COL27A1: variants seen among roughly 807,000 people sequenced by gnomAD.
COL27A1 encodes collagen alpha-1(XXVII) chain.
Under a neutral mutation model 251.3 loss-of-function variants are expected in COL27A1, and 106 were observed. The observed-to-expected ratio is 0.42, with a 90% confidence interval of 0.36 to 0.50. The LOEUF is 0.50. Ranked by LOEUF, COL27A1 falls within the 20% of genes least tolerant of loss-of-function variation. The pLI is 0.00. For synonymous variants in COL27A1, 1,000 were observed against 986.3 expected (o/e 1.01, Z -0.26); for missense variants, 2,325 against 2,522.8 (o/e 0.92, Z 1.68).
intron 49 of COL27A1, among the ~76,000 whole-genome samples, chr9:114,295,729 C>T (rs1272723071): frequency 4.6e-5 from 7 of 152,104 alleles, no homozygotes; most frequent in Non-Finnish European, 4.4e-5. Flanking sequence ...GCAATCTCAG[C>T]TCACCGCAAC....
chr9:114,294,082 CA>C (rs57583693), intron 49 of COL27A1, among the ~76,000 whole-genome samples: 4,534 of 136,732 alleles, frequency 0.033, 189 homozygotes, highest in African/African-American at 0.097. Flanking sequence ...ACTAACAATA[CA>C]AAAAAAAAAA....
intron 1 of COL27A1, among the ~76,000 whole-genome samples, chr9:114,160,177 CAG>C (rs1848396340): frequency 1.4e-5 from 2 of 146,612 alleles, no homozygotes; most frequent in Non-Finnish European, 3.0e-5. Flanking sequence ...TTTTTTGAGG[CAG>C]AGTCTCGCTC....
intron 41 of COL27A1, among the ~76,000 whole-genome samples, chr9:114,287,719 C>T (rs1240135321): frequency 6.6e-6 from 1 of 152,156 alleles, no homozygotes; most frequent in Admixed American, 6.5e-5. Flanking sequence ...CTTATGGACA[C>T]AGCCCCCATG....
rs766792131 is a variant in COL27A1 at position 114,266,576 on chromosome 9, A to G, written c.3405A>G (p.Gly1135=). ...KGLPGEPGPQ[G]PQGPIGPPGE... ...TGTCTGTCTTCCAGGGCCCTCAGGG[A>G]CCCCAGGGGCCAATTGGGCCTCCAG... is the stretch of plus-strand genomic sequence containing the variant. The change falls in exon 33 of 61, where the codon GGA becomes GGG. Residue 1135 remains glycine, a synonymous_variant. Transcript: ENST00000356083. The G allele has an allele frequency of 1.9e-6, 3 of 1,613,418 alleles. No homozygotes were observed. In the South Asian group the frequency reaches 3.3e-5, roughly 18 times the overall value.
At chr9:114,154,227 C>T (rs762679863), upstream of COL27A1, among the ~76,000 whole-genome samples, 47 of 152,072 alleles carry the variant, frequency 3.1e-4, no homozygotes, top group Non-Finnish European at 5.3e-4. The surrounding 1 kb of genome is among the most constrained non-coding windows in gnomAD (Gnocchi z 5.8). Context: ...CCCGGTGCCG[C>T]TGCGCTCCGC....
chr9:114,292,714 A>G (rs576734607), intron 49 of COL27A1, among the ~76,000 whole-genome samples: 5 of 152,374 alleles, frequency 3.3e-5, no homozygotes, highest in African/African-American at 1.2e-4. Context: ...AATCCACTTC[A>G]AATATAAAGA....
chr9:114,237,604 G>A, intron 18 of COL27A1, 58 bp from the exon 19 acceptor site: 1 of 1,396,886 alleles, frequency 7.2e-7, no homozygotes, highest in African/African-American at 1.4e-5. Context: ...GAACGCAGGG[G>A]GTTCATGGAA....
chr9:114,250,662 A>G lies in COL27A1; in HGVS notation c.3027A>G (p.Gly1009=). Residue 1009 remains glycine, a synonymous_variant, in exon 25 of 61, where the codon GGA becomes GGG. Transcript: ENST00000356083. The stretch of plus-strand genomic sequence containing the variant: ...TGGTCGGGGAGCCAGGAATCGTGGG[A>G]GAAAAGGTAAGTGGTGTTGAGGGGA... ...IGLVGEPGIV[G]EKGDRGMMGP... The G allele has an allele frequency of 6.2e-7, 1 of 1,611,596 alleles. No homozygotes were observed. The highest frequency in any genetic ancestry group is 2.2e-5 in the East Asian group (1 of 44,874).
intron 7 of COL27A1, among the ~76,000 whole-genome samples, chr9:114,199,986 G>A (rs1379060317): frequency 6.6e-6 from 1 of 151,932 alleles, no homozygotes; most frequent in African/African-American, 2.4e-5. Context: ...CATCCCCCCA[G>A]CTCCCTCCTG....
chr9:114,269,268 G>T lies in COL27A1; in HGVS notation c.3529G>T (p.Gly1177Trp). The T allele has an allele frequency of 6.2e-7, 1 of 1,607,958 alleles. No individual in the cohort carries two copies. ...TGACCTTGGACCCCTGGGCACTCCTGGGGAGCAGGGCCTCATTGGGCAACG... is the reference window on the plus strand; with the variant it reads ...TGACCTTGGACCCCTGGGCACTCCTTGGGAGCAGGGCCTCATTGGGCAACG... ...KGDLGPLGTP[G>W]EQGLIGQRGE... Residue 1177 changes from glycine to tryptophan, a missense_variant, in exon 35 of 61, where the codon GGG becomes TGG. Coordinates refer to ENST00000356083, the MANE Select transcript of COL27A1 (RefSeq NM_032888.4).
At chr9:114,236,539 C>A (rs905673970) in intron 17 of COL27A1, among the ~76,000 whole-genome samples, 3 of 152,172 alleles carry the variant, frequency 2.0e-5, no homozygotes, top group African/African-American at 7.2e-5. Flanking sequence ...TGGAACTCTC[C>A]CGGCCAGTCA....
intron 23 of COL27A1, 46 bp downstream of exon 23, chr9:114,243,606 C>G (rs1156873870): frequency 6.6e-7 from 1 of 1,507,288 alleles, no homozygotes; most frequent in East Asian, 2.3e-5. Flanking sequence ...AAGAGGGGAT[C>G]CTACATATCT....
rs987038437 is a variant in COL27A1 at position 114,264,481 on chromosome 9, C to T, written c.3249+73C>T. On this transcript the variant is annotated intron_variant, in intron 29 of 60. Transcript: ENST00000356083. ...CAGGAATCGTGAACAAGGCTCACAGCTCCTCAGAACAATGCCCCTTAGGGA... is the reference window on the plus strand; with the variant it reads ...CAGGAATCGTGAACAAGGCTCACAGTTCCTCAGAACAATGCCCCTTAGGGA... 119 of 1,209,796 alleles carry T rather than the reference C, an allele frequency of 9.8e-5. No homozygotes were observed. The East Asian group carries it at 1.5e-3, about 15-fold the overall frequency. 74.9% of individuals were successfully genotyped at this position (1,209,796 alleles called of 1,614,324 possible).
At chr9:114,228,517 G>C (rs1831680447) in intron 14 of COL27A1, among the ~76,000 whole-genome samples, 1 of 152,180 alleles carries the variant, frequency 6.6e-6, no homozygotes, top group South Asian at 2.1e-4. Context: ...CTCCTCTCCA[G>C]AGACCACCTC....
chr9:114,206,203 A>C (rs1210107053), intron 9 of COL27A1, 49 bp from the exon 10 acceptor site: 1 of 1,587,122 alleles, frequency 6.3e-7, no homozygotes, highest in Admixed American at 1.7e-5. Flanking sequence ...GATTGGCAGC[A>C]GGTAGAGCGT....
At chr9:114,211,889 A>C (rs1205102603) in intron 12 of COL27A1, among the ~76,000 whole-genome samples, 3 of 152,218 alleles carry the variant, frequency 2.0e-5, no homozygotes, top group Non-Finnish European at 2.9e-5. Flanking sequence ...ACTGCCCTGC[A>C]GGTTGACTCC....
rs773138111 is a variant in COL27A1, at chr9:114,169,291, A to T, written c.1736A>T (p.Gln579Leu). 1.8e-5 allele frequency: 29 copies of T among 1,612,202 alleles called. No individual in the cohort carries two copies. Among genetic ancestry groups the T allele is most frequent in the Non-Finnish European group, 2.4e-5 (28 of 1,179,138 alleles). Residue 579 changes from glutamine (Q) to leucine (L), a missense_variant, in exon 3 of 61, where the codon CAG (glutamine) becomes CTG (leucine). By Grantham distance (113) the Gln-to-Leu change is moderately radical. This residue lies in a region of COL27A1 where 1,183 missense variants were observed against 1,144.1 expected (regional missense o/e 1.03). Coordinates refer to ENST00000356083, the MANE Select transcript of COL27A1 (RefSeq NM_032888.4). ...CTGACAACCAGGCCTAGCCCCAGAC[A>T]GCCCCAGCCCAGTCAGCAGACCACC... ...SDLTTRPSPR[Q>L]PQPSQQTTPA... is the part of the protein sequence containing the mutation.
chr9:114,185,582 A>G (rs1416586208), intron 5 of COL27A1, among the ~76,000 whole-genome samples: 8 of 152,226 alleles, frequency 5.3e-5, no homozygotes, highest in Non-Finnish European at 1.2e-4. Flanking sequence ...GACCCTGGGA[A>G]GAGGGTCCTA....
intron 41 of COL27A1, among the ~76,000 whole-genome samples, chr9:114,285,443 C>T (rs904006688): frequency 6.6e-6 from 1 of 152,162 alleles, no homozygotes; most frequent in Non-Finnish European, 1.5e-5. Flanking sequence ...CCAGAACCCA[C>T]GTGTCTAAGT....
Sources: allele counts gnomAD v4.1 joint callset (sites outside exome capture counted in the v4.1 genomes callset), GRCh38; gene constraint gnomAD v4.1.1; regional missense constraint gnomAD v4.1.1; non-coding constraint Gnocchi (gnomAD v3.1); transcripts MANE v1.5; gene names NCBI Gene and HGNC (gene_info 2026-07-23, HGNC 2026-07-21).